RPRD1B: variants seen among roughly 807,000 people sequenced by gnomAD.
RPRD1B encodes the protein regulation of nuclear pre-mRNA domain containing 1B.
RPRD1B carries 11 observed loss-of-function variants against 41.5 expected under a neutral mutation model. That is an observed-to-expected ratio of 0.27 (90% CI 0.17 to 0.44). The LOEUF (loss-of-function observed/expected upper bound fraction) is 0.44, where lower values mean the gene tolerates loss of function less well. Among genes scored for constraint, RPRD1B ranks in the 20% least tolerant of loss-of-function variants. RPRD1B has a pLI of 1.00. For synonymous variants in RPRD1B, 158 were observed against 155.6 expected (o/e 1.02, Z -0.12); for missense variants, 248 against 389.9 (o/e 0.64, Z 3.06).
At chr20:38,065,464 G>T (rs1359471225) in intron 5 of RPRD1B, among the ~76,000 whole-genome samples, 1 of 152,112 alleles carries the variant, frequency 6.6e-6, no homozygotes, top group Admixed American at 6.5e-5. Flanking sequence ...GTTGCTCAAG[G>T]CCCTTAAATG....
In RPRD1B at chr20:38,057,776, A is replaced by G; in HGVS notation, c.528+132A>G. 9.8e-6 allele frequency: 6 copies of G among 610,336 alleles called. No homozygotes were observed. The South Asian group carries it at 1.1e-4, about 11-fold the overall frequency. 37.8% of individuals were successfully genotyped at this position (610,336 alleles called of 1,614,324 possible). A position where few individuals can be genotyped will look rare whatever the true frequency, so the allele number is the denominator to read the frequency against. ...AGGGCACCTCTCAGGGGCCCCGTGC[A>G]TCATCCTGCCCAAAGGAGCTTGCCG... On this transcript the variant is annotated intron_variant, in intron 4 of 6. Coordinates refer to ENST00000373433, the MANE Select transcript of RPRD1B (RefSeq NM_021215.4).
At chr20:38,038,068 T>C (rs180888498) in intron 1 of RPRD1B, among the ~76,000 whole-genome samples, 47 of 152,360 alleles carry the variant, frequency 3.1e-4, no homozygotes, top group Admixed American at 2.7e-3. Context: ...ACAGTAGATA[T>C]TGTAACTACT....
At chr20:38,052,471 A>G (rs1418365291) in intron 3 of RPRD1B, among the ~76,000 whole-genome samples, 2 of 152,128 alleles carry the variant, frequency 1.3e-5, no homozygotes, top group Non-Finnish European at 1.5e-5. Context: ...TTAGACCTTT[A>G]TCTGTTGTAG....
Position 38,034,070 on chromosome 20 carries a change from C to T in RPRD1B, c.123C>T (p.Val41=). The T allele has an allele frequency of 1.2e-6, 2 of 1,614,130 alleles. No homozygotes were observed. The highest frequency in any genetic ancestry group is 1.7e-6 in the Non-Finnish European group (2 of 1,179,962). Residue 41 remains valine, a synonymous_variant, in exon 1 of 7, where the codon GTC becomes GTT. Coordinates refer to ENST00000373433, the MANE Select transcript of RPRD1B (RefSeq NM_021215.4). Reference sequence around the variant, plus strand: ...ACCGCAAGCACGCGGGACCCATCGTCTCCGTGTGGCACCGCGAGCTCCGCA... The same window carrying T: ...ACCGCAAGCACGCGGGACCCATCGTTTCCGTGTGGCACCGCGAGCTCCGCA... ...IHHRKHAGPI[V]SVWHRELRKA... is the part of the protein sequence containing the mutation.
chr20:38,038,496 T>G (rs867211173), intron 1 of RPRD1B, among the ~76,000 whole-genome samples: 3,245 of 114,992 alleles, frequency 0.028, 143 homozygotes, highest in African/African-American at 0.12. Flanking sequence ...TTTTGTTTTT[T>G]TTTTTTTTTT....
At chr20:38,053,735 A>G (rs2074212217) in intron 3 of RPRD1B, among the ~76,000 whole-genome samples, 1 of 152,234 alleles carries the variant, frequency 6.6e-6, no homozygotes, top group Non-Finnish European at 1.5e-5. Flanking sequence ...ACATCTGTGG[A>G]TGCAACCAGC....
intron 1 of RPRD1B, among the ~76,000 whole-genome samples, chr20:38,038,054 A>G (rs2074021405): frequency 6.6e-6 from 1 of 152,226 alleles, no homozygotes; most frequent in Admixed American, 6.5e-5. Context: ...ATACCTTTGT[A>G]GCAACAGTAG....
intron 5 of RPRD1B, among the ~76,000 whole-genome samples, chr20:38,064,882 A>G (rs1600418725): frequency 6.6e-6 from 1 of 151,914 alleles, no homozygotes; most frequent in Admixed American, 6.6e-5. Context: ...GCTACTCGGG[A>G]GGCTGAGGCA....
chr20:38,059,442 G>A lies in RPRD1B; in HGVS notation c.577G>A (p.Gly193Arg). Residue 193 changes from glycine (G) to arginine (R), a missense_variant, in exon 5 of 7, where the codon GGG becomes AGG. Around this residue, in one of 5 missense-constraint regions of RPRD1B, gnomAD observed 93 missense variants for 167.2 expected, o/e 0.56. Transcript: ENST00000373433. ...GCAGGATCTGGAAAATGCCGCATCA[G>A]GGGATGCTACTGTCCGACAGAAAAT... is the stretch of plus-strand genomic sequence containing the variant. ...ALQDLENAAS[G>R]DATVRQKIAS... is the part of the protein sequence containing the mutation. The A allele has an allele frequency of 6.2e-7, 1 of 1,614,018 alleles. No homozygotes were observed. The highest frequency in any genetic ancestry group is 8.5e-7 in the Non-Finnish European group (1 of 1,179,890).
chr20:38,048,420 C>T lies in RPRD1B; in HGVS notation c.354C>T (p.Gly118=), dbSNP rs2074142439. The T allele has an allele frequency of 9.3e-6, 15 of 1,613,728 alleles. No individual in the cohort carries two copies. Among genetic ancestry groups the T allele is most frequent in the South Asian group, 3.3e-5 (3 of 91,056 alleles). The change falls in exon 3 of 7, where the codon GGC becomes GGT. Residue 118 remains glycine, a synonymous_variant. Transcript: ENST00000373433. ...TCTGGCAAGAACGAAGTGTGTATGGCGGCGAGTTCATACAGCAGCTGAAGC... is the reference window on the plus strand; with the variant it reads ...TCTGGCAAGAACGAAGTGTGTATGGTGGCGAGTTCATACAGCAGCTGAAGC... ...LNIWQERSVY[G]GEFIQQLKLS...
chr20:38,065,984 A>T, intron 5 of RPRD1B, 97 bp from the exon 6 acceptor site: 1 of 1,196,226 alleles, frequency 8.4e-7, no homozygotes, highest in East Asian at 2.3e-5. Context: ...GACTCTGTAT[A>T]TTGGGAGAGA....
Position 38,091,610 on chromosome 20 carries a change from T to C in RPRD1B, c.*1735T>C. 1.0e-6 allele frequency: 1 copy of C among 985,632 alleles called. No individual in the cohort carries two copies. Among genetic ancestry groups the C allele is most frequent in the Non-Finnish European group, 1.2e-6 (1 of 830,082 alleles). 61.1% of individuals were successfully genotyped at this position (985,632 alleles called of 1,614,324 possible). A position where few individuals can be genotyped will look rare whatever the true frequency, so the allele number is the denominator to read the frequency against. ...TTGCAAGATAAATTGTAATCTTTGC[T>C]GCTGCTGCACTCCCCAACCTCTCCC... is the stretch of plus-strand genomic sequence containing the variant. On this transcript the variant is annotated 3_prime_UTR_variant, in exon 7 of 7. Coordinates refer to ENST00000373433, the MANE Select transcript of RPRD1B (RefSeq NM_021215.4).
intron 3 of RPRD1B, among the ~76,000 whole-genome samples, chr20:38,056,391 A>T (rs1260103055): frequency 6.8e-6 from 1 of 147,344 alleles, no homozygotes; most frequent in Non-Finnish European, 1.5e-5. Flanking sequence ...AACTCCATCT[A>T]AAAAAAAAAA....
At position 38,091,718 on chromosome 20, in the gene RPRD1B, A is replaced by G; in HGVS notation, c.*1843A>G. On this transcript the variant is annotated 3_prime_UTR_variant, in exon 7 of 7. Coordinates refer to ENST00000373433, the MANE Select transcript of RPRD1B (RefSeq NM_021215.4). ...GGACACTCTATGCTTTCACCAAGGA[A>G]GTGCGATCTGAGCAGCCACAATCCA... The G allele has an allele frequency of 1.0e-6, 1 of 985,714 alleles. No individual in the cohort carries two copies. Among genetic ancestry groups the G allele is most frequent in the Non-Finnish European group, 1.2e-6 (1 of 829,938 alleles). 61.1% of individuals were successfully genotyped at this position (985,714 alleles called of 1,614,324 possible). A position where few individuals can be genotyped will look rare whatever the true frequency, so the allele number is the denominator to read the frequency against.
chr20:38,089,587 G>T (rs530693919), intron 6 of RPRD1B, 139 bp from the exon 7 acceptor site: 3 of 644,650 alleles, frequency 4.7e-6, no homozygotes, highest in African/African-American at 3.6e-5. Flanking sequence ...CCCTAGCTTT[G>T]TGATATAGCT....
chr20:38,034,667 G>A (rs949024827), intron 1 of RPRD1B, among the ~76,000 whole-genome samples: 6 of 152,184 alleles, frequency 3.9e-5, no homozygotes, highest in Admixed American at 3.9e-4. Flanking sequence ...CCTTAGAACA[G>A]CCCTGTGAAG....
At chr20:38,049,898 ATTC>A (rs1176245085) in intron 3 of RPRD1B, 2 of 467,454 alleles carry the variant, frequency 4.3e-6, no homozygotes, top group Non-Finnish European at 8.9e-6. Flanking sequence ...CTTACACTGT[ATTC>A]TTTGGCCAAA....
intron 5 of RPRD1B, 137 bp from the exon 6 acceptor site, chr20:38,065,942 ATT>A: frequency 1.3e-6 from 1 of 758,590 alleles, no homozygotes; most frequent in South Asian, 1.9e-5. Context: ...TAATCAACTC[ATT>A]GTTTGTCCAC....
chr20:38,034,833 G>C (rs1289980744), intron 1 of RPRD1B, among the ~76,000 whole-genome samples: 1 of 152,196 alleles, frequency 6.6e-6, no homozygotes, highest in Non-Finnish European at 1.5e-5. Context: ...CACTGGCTTG[G>C]ACACTTGCAG....
Sources: gnomAD v4.1 joint callset for allele counts (sites outside exome capture counted in the v4.1 genomes callset) on GRCh38, gnomAD v4.1.1 for gene constraint, gnomAD v4.1.1 regional missense constraint, MANE v1.5 for transcripts, NCBI Gene and HGNC (gene_info 2026-07-23, HGNC 2026-07-21) for gene names.